Variants in DCDC1 observed in about 807,000 individuals in gnomAD.
DCDC1 encodes the protein doublecortin domain containing 1.
A neutral mutation model predicts 178.3 loss-of-function variants in DCDC1; 200 were observed. The observed-to-expected ratio is 1.12, with a 90% CI of 1.00 to 1.26. The LOEUF is 1.26. Ranked by LOEUF, DCDC1 falls within the 50% of genes most tolerant of loss-of-function variation. The pLI is 0.00. For synonymous variants in DCDC1, 690 were observed against 604.8 expected (o/e 1.14, Z -2.07); for missense variants, 1,983 against 1,749.2 (o/e 1.13, Z -2.38).
intron 20 of DCDC1, among the ~76,000 whole-genome samples, chr11:31,009,253 G>A (rs1230108835): frequency 6.6e-6 from 1 of 152,050 alleles, no homozygotes; most frequent in Non-Finnish European, 1.5e-5. Context: ...ACAACTGAAG[G>A]TATAATAGTT....
At position 30,987,571 on chromosome 11, in the gene DCDC1, T is replaced by C. The variant is rs1950725701; in HGVS notation, c.2592-35003A>G. 2.6e-5 allele frequency among the ~76,000 whole-genome samples: 4 copies of C among 152,234 alleles called. No homozygotes were observed. In the South Asian group the frequency reaches 8.3e-4, roughly 32 times the overall value. ...TGTATGGCTAATTTTTATGGAGTCA[T>C]CAGGAAAAACCTCTCTTATAGGGCT... On this transcript the variant is annotated intron_variant, in intron 20 of 38. Coordinates refer to ENST00000684477, the MANE Select transcript of DCDC1 (RefSeq NM_001387274.1).
At chr11:30,867,929 A>ATGGTCCCT (rs1941147081) in intron 38 of DCDC1, among the ~76,000 whole-genome samples, 1 of 152,174 alleles carries the variant, frequency 6.6e-6, no homozygotes, top group South Asian at 2.1e-4. Context: ...AGCAGCTTAT[A>ATGGTCCCT]TGGTCCCTCG....
intron 8 of DCDC1, among the ~76,000 whole-genome samples, chr11:31,253,037 G>C (rs1944159795): frequency 6.6e-6 from 1 of 152,104 alleles, no homozygotes; most frequent in Non-Finnish European, 1.5e-5. Flanking sequence ...ACTACATTGA[G>C]TATCAAATAT....
chr11:30,976,600 G>A (rs528125402), intron 20 of DCDC1, among the ~76,000 whole-genome samples: 58 of 151,026 alleles, frequency 3.8e-4, no homozygotes, highest in African/African-American at 1.3e-3. Context: ...ATCACTAATC[G>A]TCAGAGAAAT....
chr11:31,218,875 A>C (rs1973901253), intron 9 of DCDC1, among the ~76,000 whole-genome samples: 1 of 152,096 alleles, frequency 6.6e-6, no homozygotes, highest in South Asian at 2.1e-4. Flanking sequence ...TTTTTAGTAA[A>C]ATTTGGTGGG....
At chr11:31,162,060 A>AT (rs1966359007) in intron 9 of DCDC1, among the ~76,000 whole-genome samples, 1 of 152,228 alleles carries the variant, frequency 6.6e-6, no homozygotes, top group Non-Finnish European at 1.5e-5. Context: ...CTAAAAAGCA[A>AT]TAATAGTTAA....
intron 24 of DCDC1, among the ~76,000 whole-genome samples, chr11:30,921,250 TG>T: frequency 6.6e-6 from 1 of 152,298 alleles, no homozygotes; most frequent in Non-Finnish European, 1.5e-5. Flanking sequence ...AACTCATCAG[TG>T]GAAGTCCCAG....
At chr11:31,327,565 T>C (rs929823209) in intron 3 of DCDC1, among the ~76,000 whole-genome samples, 5 of 152,194 alleles carry the variant, frequency 3.3e-5, no homozygotes, top group African/African-American at 1.2e-4. Context: ...ATTATCGTTA[T>C]TATCATTATG....
At chr11:30,974,049 CA>C (rs1026222771) in intron 20 of DCDC1, among the ~76,000 whole-genome samples, 1 of 150,222 alleles carries the variant, frequency 6.7e-6, no homozygotes, top group African/African-American at 2.4e-5. Context: ...CTTCTCAGAC[CA>C]AAAAAAAGAT....
chr11:31,284,599 A>G (rs1015943836), intron 7 of DCDC1, among the ~76,000 whole-genome samples: 1 of 152,076 alleles, frequency 6.6e-6, no homozygotes, highest in African/African-American at 2.4e-5. Flanking sequence ...TTAATAAAAA[A>G]CACAGAAATA....
chr11:31,353,761 A>G (rs1349429687), intron 1 of DCDC1, among the ~76,000 whole-genome samples: 1 of 152,246 alleles, frequency 6.6e-6, no homozygotes, highest in African/African-American at 2.4e-5. Flanking sequence ...GAATAAGCAC[A>G]GTGAACTGCT....
chr11:31,153,823 CCAT>C, intron 9 of DCDC1, among the ~76,000 whole-genome samples: 1 of 148,370 alleles, frequency 6.7e-6, no homozygotes, highest in Non-Finnish European at 1.5e-5. Context: ...CACACAATTA[CCAT>C]AACTCTATGC....
chr11:31,012,015 C>A (rs919070096), intron 20 of DCDC1, among the ~76,000 whole-genome samples: 6 of 152,074 alleles, frequency 3.9e-5, no homozygotes, highest in African/African-American at 7.2e-5. Context: ...AGTGAGTTCT[C>A]ACAAGATTTG....
chr11:30,938,282 CT>C, intron 21 of DCDC1, among the ~76,000 whole-genome samples: 1 of 152,200 alleles, frequency 6.6e-6, no homozygotes, highest in Non-Finnish European at 1.5e-5. Context: ...TCCTCTTTCT[CT>C]CTCTGGGCAC....
chr11:31,018,961 T>C lies in DCDC1; in HGVS notation c.2591+45508A>G, dbSNP rs967239763. On this transcript the variant is annotated intron_variant, in intron 20 of 38. Transcript: ENST00000684477. ...AGATGGGGGACTCAATTGTTCAGTA[T>C]GGGAATGGGGGCGAAAGATGCAAGA... is the stretch of plus-strand genomic sequence containing the variant. Among the ~76,000 whole-genome samples the C allele has an allele frequency of 2.0e-5, 3 of 151,908 alleles. No individual in the cohort carries two copies. In the East Asian group the frequency reaches 5.8e-4, roughly 29 times the overall value.
At chr11:31,204,327 AC>A (rs1971635225) in intron 9 of DCDC1, among the ~76,000 whole-genome samples, 1 of 152,166 alleles carries the variant, frequency 6.6e-6, no homozygotes, top group South Asian at 2.1e-4. Flanking sequence ...AAAGTACAAC[AC>A]CCCAAATATA....
At chr11:31,028,272 C>T (rs1953380018) in intron 20 of DCDC1, among the ~76,000 whole-genome samples, 2 of 151,564 alleles carry the variant, frequency 1.3e-5, no homozygotes, top group South Asian at 4.2e-4. Flanking sequence ...TAATACAGAC[C>T]CTCTTGTATA....
At chr11:30,880,161 T>G (rs959977728) in intron 37 of DCDC1, among the ~76,000 whole-genome samples, 25 of 152,122 alleles carry the variant, frequency 1.6e-4, no homozygotes, top group Non-Finnish European at 8.8e-5. Flanking sequence ...TGTGTTCTTC[T>G]AAGTACCCAT....
At chr11:31,332,469 T>C (rs1439152878) in intron 2 of DCDC1, among the ~76,000 whole-genome samples, 2 of 152,220 alleles carry the variant, frequency 1.3e-5, no homozygotes, top group Non-Finnish European at 2.9e-5. Context: ...AATTGTGATG[T>C]TAGGGTGTCA....
Sources: allele counts gnomAD v4.1 joint callset (sites outside exome capture counted in the v4.1 genomes callset), GRCh38; gene constraint gnomAD v4.1.1; transcripts MANE v1.5; gene names NCBI Gene and HGNC (gene_info 2026-07-23, HGNC 2026-07-21).